Variants in TMEM154 observed in about 807,000 individuals in gnomAD.
The protein encoded by TMEM154 is transmembrane protein 154.
A neutral mutation model predicts 24.5 loss-of-function variants in TMEM154; 27 were observed. The observed-to-expected ratio is 1.10, with a 90% CI of 0.81 to 1.52. TMEM154 has a LOEUF of 1.52. Ranked by LOEUF, TMEM154 falls within the 40% of genes most tolerant of loss-of-function variation. TMEM154 has a pLI of 0.00. For synonymous variants in TMEM154, 67 were observed against 76.8 expected, an observed-to-expected ratio of 0.87 and a Z score of 0.67; for missense variants, 228 against 213.4, an observed-to-expected ratio of 1.07 and a Z score of -0.43.
At position 152,643,136 on chromosome 4, in the gene TMEM154, T is replaced by A. The variant is rs1752288265; in HGVS notation, c.430A>T (p.Ile144Phe). 1.2e-6 allele frequency: 2 copies of A among 1,613,446 alleles called. No individual in the cohort carries two copies. The highest frequency in any genetic ancestry group is 1.7e-6 in the Non-Finnish European group (2 of 1,179,792). ...FEEDTPSVMEIEMEELDKWMN... is the reference protein window; with the variant it reads ...FEEDTPSVMEFEMEELDKWMN... ...CATTTATCAAGCTCTTCCATTTCAA[T>A]TTCCATAACAGAGGGTGTATCTTCC... Residue 144 changes from isoleucine (I) to phenylalanine (F), a missense_variant, in exon 5 of 7, where the codon ATT becomes TTT. Ile to Phe is a conservative substitution (Grantham distance 21). Transcript: ENST00000304385.
At chr4:152,658,662 A>ATTTTTAGCTTTACTACAAAT (rs373416998) in intron 1 of TMEM154, among the ~76,000 whole-genome samples, 1 of 151,996 alleles carries the variant, frequency 6.6e-6, no homozygotes. Flanking sequence ...AAAATACAAA[A>ATTTTTAGCTTTACTACAAAT]ACTAGCTGGG....
At position 152,628,317 on chromosome 4, in the gene TMEM154, C is replaced by T. The variant is rs887158081; in HGVS notation, c.*229G>A. 1.6e-5 allele frequency: 11 copies of T among 690,060 alleles called. No homozygotes were observed. The highest frequency in any genetic ancestry group is 5.9e-5 in the Admixed American group (2 of 34,072). 42.7% of individuals were successfully genotyped at this position (690,060 alleles called of 1,614,324 possible). A position where few individuals can be genotyped will look rare whatever the true frequency, so the allele number is the denominator to read the frequency against. On this transcript the variant is annotated 3_prime_UTR_variant, in exon 7 of 7. Transcript: ENST00000304385. ...CCTCCTTCTCCACCCTCAGAGGCAG[C>T]GATGGATGGCAGCCAGGCCTTTTCC...
At chr4:152,668,084 G>A (rs1427362217) in intron 1 of TMEM154, among the ~76,000 whole-genome samples, 1 of 152,178 alleles carries the variant, frequency 6.6e-6, no homozygotes, top group African/African-American at 2.4e-5. Context: ...AGGCCCCAAG[G>A]CTGTTTCTGG....
rs1008903740 is a variant in TMEM154, at chr4:152,626,238, C to T, written c.*2308G>A. 1.3e-5 allele frequency: 2 copies of T among 152,504 alleles called. No individual in the cohort carries two copies. The highest frequency in any genetic ancestry group is 2.4e-5 in the African/African-American group (1 of 41,426). 9.4% of individuals were successfully genotyped at this position (152,504 alleles called of 1,614,324 possible). ...CAAACTTACATATCTTTTAAATATT[C>T]GAAAGTCAGATTTTGTTCTGATTGC... On this transcript the variant is annotated 3_prime_UTR_variant, in exon 7 of 7. Transcript: ENST00000304385.
chr4:152,654,128 T>C (rs982408715), intron 1 of TMEM154, among the ~76,000 whole-genome samples: 9 of 152,170 alleles, frequency 5.9e-5, no homozygotes, highest in Non-Finnish European at 1.3e-4. Context: ...CTGAAAAACT[T>C]TTCCTTACCT....
rs1017658312 is a variant in TMEM154, at chr4:152,627,551, A to T, written c.*995T>A. On this transcript the variant is annotated 3_prime_UTR_variant, in exon 7 of 7. Coordinates refer to ENST00000304385, the MANE Select transcript of TMEM154 (RefSeq NM_152680.3). ...TGTCATCTCTGATGGACTGACAGAG[A>T]CCTCCTGTTGTGCTGTGTTAGGACA... 3.3e-5 allele frequency: 5 copies of T among 152,028 alleles called. No individual in the cohort carries two copies. Among genetic ancestry groups the T allele is most frequent in the African/African-American group, 1.2e-4 (5 of 41,394 alleles). 9.4% of individuals were successfully genotyped at this position (152,028 alleles called of 1,614,324 possible). A position where few individuals can be genotyped will look rare whatever the true frequency, so the allele number is the denominator to read the frequency against.
At chr4:152,650,148 T>G (rs951694475) in intron 3 of TMEM154, among the ~76,000 whole-genome samples, 2 of 152,236 alleles carry the variant, frequency 1.3e-5, no homozygotes, top group African/African-American at 4.8e-5. Context: ...AAGATCACAA[T>G]GAAATGTGTC....
intron 1 of TMEM154, chr4:152,666,422 G>A (rs1342716298): frequency 6.6e-6 from 1 of 152,160 alleles, no homozygotes; most frequent in Non-Finnish European, 1.5e-5. Flanking sequence ...TGTTCGTGAA[G>A]ACAGTCATTA....
At chr4:152,659,981 C>T (rs1375415419) in intron 1 of TMEM154, among the ~76,000 whole-genome samples, 4 of 152,108 alleles carry the variant, frequency 2.6e-5, no homozygotes, top group African/African-American at 7.2e-5. Flanking sequence ...TTTGTGGCCA[C>T]GGTTGACCAT....
At chr4:152,645,932 A>AGT (rs1234532524) in intron 3 of TMEM154, among the ~76,000 whole-genome samples, 1 of 93,102 alleles carries the variant, frequency 1.1e-5, no homozygotes, top group Non-Finnish European at 2.2e-5. Context: ...GGGAAAGGAG[A>AGT]ATACACACAC....
In TMEM154 at chr4:152,666,398, T is replaced by C. The variant is rs1728722928; in HGVS notation, c.65-13471A>G. 2.0e-5 allele frequency: 3 copies of C among 152,236 alleles called. No individual in the cohort carries two copies. In the South Asian group the frequency reaches 6.2e-4, roughly 31 times the overall value. The allele number at this position is 152,236 out of a possible 1,614,324, so 9.4% of individuals were successfully genotyped here. A position where few individuals can be genotyped will look rare whatever the true frequency, so the allele number is the denominator to read the frequency against. ...TTAAATAATAACTGAGTGGACTTTA[T>C]TTTAATTTGCCATTGTTCGTGAAGA... On this transcript the variant is annotated intron_variant, in intron 1 of 6. Transcript: ENST00000304385.
In TMEM154 at chr4:152,643,095, A is replaced by G; in HGVS notation, c.471T>C (p.Asn157=). The change falls in exon 5 of 7, where the codon AAT becomes AAC. Residue 157 remains asparagine, a synonymous_variant. Coordinates refer to ENST00000304385, the MANE Select transcript of TMEM154 (RefSeq NM_152680.3). ...CTTTAGGTTACCACATACCATTTCT[A>G]TTCATGCTGTTCATCCATTTATCAA... is the stretch of plus-strand genomic sequence containing the variant. The part of the protein sequence containing the change: ...EELDKWMNSM[N]RNADFECLPT... The G allele has an allele frequency of 1.2e-6, 2 of 1,612,410 alleles. No individual in the cohort carries two copies. Among genetic ancestry groups the G allele is most frequent in the South Asian group, 2.2e-5 (2 of 90,598 alleles).
At chr4:152,655,089 C>T (rs1248741372) in intron 1 of TMEM154, among the ~76,000 whole-genome samples, 1 of 151,846 alleles carries the variant, frequency 6.6e-6, no homozygotes, top group African/African-American at 2.4e-5. Flanking sequence ...TGACTAGATG[C>T]ATCTGGCAGT....
chr4:152,641,321 G>T, intron 5 of TMEM154: 1 of 228,400 alleles, frequency 4.4e-6, no homozygotes, highest in South Asian at 9.7e-5. Context: ...AGATGGCTTC[G>T]CCTGAGGTTC....
In TMEM154 at chr4:152,658,622, GCTAAAAATACAAAATTTTTAGCTTTA is replaced by G. The variant is rs143753374; in HGVS notation, c.65-5721_65-5696del. Reference sequence around the variant, plus strand: ...CAGGAGTTTGAGACCAGCCTGGCCAGCTAAAAATACAAAATTTTTAGCTTTACTAAAAATACAAAAACTAGCTGGGC... The same window carrying G: ...CAGGAGTTTGAGACCAGCCTGGCCAGCTAAAAATACAAAAACTAGCTGGGC... On this transcript the variant is annotated intron_variant, in intron 1 of 6. Transcript: ENST00000304385. Among the ~76,000 whole-genome samples, 62 of 150,728 alleles carry G rather than the reference GCTAAAAATACAAAATTTTTAGCTTTA, an allele frequency of 4.1e-4. No individual in the cohort carries two copies. In the South Asian group the frequency reaches 6.9e-3, roughly 17 times the overall value.
At chr4:152,663,477 TC>T (rs1159941854) in intron 1 of TMEM154, among the ~76,000 whole-genome samples, 1 of 152,194 alleles carries the variant, frequency 6.6e-6, no homozygotes, top group Non-Finnish European at 1.5e-5. Flanking sequence ...TGTGTGAAGG[TC>T]AGTCTTGCGT....
At chr4:152,671,715 C>T (rs1354431528) in intron 1 of TMEM154, among the ~76,000 whole-genome samples, 1 of 113,566 alleles carries the variant, frequency 8.8e-6, no homozygotes, top group Non-Finnish European at 1.6e-5. Flanking sequence ...CCACTGCACT[C>T]CAGCCTGGGC....
chr4:152,636,475 G>C (rs1447720869), intron 6 of TMEM154, among the ~76,000 whole-genome samples: 1 of 152,218 alleles, frequency 6.6e-6, no homozygotes, highest in Non-Finnish European at 1.5e-5. Context: ...GAAAACCATA[G>C]TGTCCACTTC....
intron 3 of TMEM154, among the ~76,000 whole-genome samples, chr4:152,651,702 T>C (rs909323831): frequency 1.3e-5 from 2 of 152,256 alleles, no homozygotes; most frequent in African/African-American, 4.8e-5. Context: ...TTCCTATCAT[T>C]GTATGTTCAC....
Sources: gnomAD v4.1 joint callset for allele counts (sites outside exome capture counted in the v4.1 genomes callset) on GRCh38, gnomAD v4.1.1 for gene constraint, MANE v1.5 for transcripts, NCBI Gene and HGNC (gene_info 2026-07-23, HGNC 2026-07-21) for gene names.